Variants in DEFB109B observed in about 807,000 individuals in gnomAD.
DEFB109B encodes the protein defensin beta 109B.
At position 7,313,683 on chromosome 8, in the gene DEFB109B, G is replaced by C. The variant is rs188171765; in HGVS notation, n.58+780G>C. On this transcript the variant is annotated intron_variant and non_coding_transcript_variant, in intron 1 of 1. Transcript: ENST00000382656. The stretch of plus-strand genomic sequence containing the variant: ...ATTTACTGGGCTAAGCATGCATTTT[G>C]GGGGCTTTTGGAAAAAAAAAACAGC... Among the ~76,000 whole-genome samples, 24 of 141,430 alleles carry C rather than the reference G, an allele frequency of 1.7e-4. No individual in the cohort carries two copies. In the East Asian group the frequency reaches 4.7e-3, roughly 28 times the overall value. The allele number at this position is 141,430 out of a possible 152,430, so 92.8% of individuals were successfully genotyped here.
At chr8:7,313,060 CA>C (rs1260744114) in intron 1 of DEFB109B, among the ~76,000 whole-genome samples, 157 bp downstream of exon 1, 1 of 126,856 alleles carries the variant, frequency 7.9e-6, no homozygotes, top group Non-Finnish European at 1.5e-5. Context: ...ACTCATTTAG[CA>C]GTATGTCCTC....
At chr8:7,311,985 T>A (rs1160664208), upstream of DEFB109B, among the ~76,000 whole-genome samples, 5 of 128,466 alleles carry the variant, frequency 3.9e-5, no homozygotes, top group Non-Finnish European at 7.5e-5. Context: ...TTTTACTTCA[T>A]AATAAGATAA....
intron 1 of DEFB109B, chr8:7,318,514 C>G (rs543851174): frequency 1.7e-5 from 2 of 117,188 alleles, no homozygotes; most frequent in Non-Finnish European, 3.2e-5. Flanking sequence ...GGAATGGCAT[C>G]AGTAGACAGA....
At position 7,312,913 on chromosome 8, in the gene DEFB109B, T is replaced by G. The variant is rs1485949400; in HGVS notation, n.58+10T>G. The G allele has an allele frequency of 7.4e-6, 1 of 134,906 alleles. No individual in the cohort carries two copies. The highest frequency in any genetic ancestry group is 1.5e-5 in the Non-Finnish European group (1 of 67,418). 8.4% of individuals were successfully genotyped at this position (134,906 alleles called of 1,614,324 possible). On this transcript the variant is annotated intron_variant and non_coding_transcript_variant, in intron 1 of 1. Transcript: ENST00000382656. ...ATTCTCTTATCCCCAGGTAAGTTGG[T>G]AGCTCATTACTATAAGGTTCTGCAG... is the stretch of plus-strand genomic sequence containing the variant.
chr8:7,315,323 A>G (rs1802835734), intron 1 of DEFB109B, among the ~76,000 whole-genome samples: 1 of 134,786 alleles, frequency 7.4e-6, no homozygotes, highest in African/African-American at 3.8e-5. Context: ...AACACGGTGA[A>G]ACCCTTTCTC....
chr8:7,312,354 A>T (rs1304748344), upstream of DEFB109B, among the ~76,000 whole-genome samples: 4 of 138,378 alleles, frequency 2.9e-5, 1 homozygote, highest in Admixed American at 2.0e-4. Context: ...CAACAACAAC[A>T]ACCACAACAA....
At chr8:7,319,243 A>T (rs1585321975) in intron 1 of DEFB109B, 1 of 135,680 alleles carries the variant, frequency 7.4e-6, no homozygotes, top group African/African-American at 3.5e-5. Flanking sequence ...AACAAAAAAA[A>T]AAAAAAAGAG....
rs1037963774 is a variant in DEFB109B at position 7,315,638 on chromosome 8, G to A, written n.58+2735G>A. Among the ~76,000 whole-genome samples, 14 of 131,260 alleles carry A rather than the reference G, an allele frequency of 1.1e-4. 2 individuals are homozygous for A. The highest frequency in any genetic ancestry group is 5.4e-4 in the African/African-American group (14 of 25,978). 86.1% of individuals were successfully genotyped at this position (131,260 alleles called of 152,430 possible). On this transcript the variant is annotated intron_variant and non_coding_transcript_variant, in intron 1 of 1. Coordinates refer to ENST00000382656, the Ensembl canonical transcript of DEFB109B. ...CTAAACTATCACAAGCCCACACTCA[G>A]CCTTTCAACATTTGCTTGAGGTTCA...
chr8:7,315,475 G>T (rs1184927131), intron 1 of DEFB109B, among the ~76,000 whole-genome samples: 36 of 133,256 alleles, frequency 2.7e-4, no homozygotes, highest in African/African-American at 1.2e-3. Flanking sequence ...CTCTAGCCTG[G>T]GCGACAGAGT....
At chr8:7,312,479 T>G (rs1387041241), upstream of DEFB109B, among the ~76,000 whole-genome samples, 31 of 143,604 alleles carry the variant, frequency 2.2e-4, no homozygotes, top group Admixed American at 7.4e-4. Context: ...ATTATGTACT[T>G]TTTGTGTATA....
exon 2 of DEFB109B, chr8:7,319,800 G>A (rs946760790): frequency 7.5e-6 from 1 of 133,358 alleles, no homozygotes; most frequent in Non-Finnish European, 1.6e-5. Context: ...TTTGGTGTTT[G>A]CAGAACAGAT....
At chr8:7,315,941 T>TC (rs1299313445) in intron 1 of DEFB109B, among the ~76,000 whole-genome samples, 7 of 48,702 alleles carry the variant, frequency 1.4e-4, no homozygotes, top group Non-Finnish European at 2.3e-4. Context: ...CTTTCCAGAA[T>TC]CCCCCCATGT....
chr8:7,319,326 G>A (rs1192357903), intron 1 of DEFB109B: 1 of 144,732 alleles, frequency 6.9e-6, no homozygotes, highest in Non-Finnish European at 1.5e-5. Flanking sequence ...CAGCATACCT[G>A]AGATGCCAGA....
chr8:7,309,586 C>CT (rs1438906642), upstream of DEFB109B, among the ~76,000 whole-genome samples: 6 of 147,778 alleles, frequency 4.1e-5, no homozygotes, highest in African/African-American at 1.6e-4. Context: ...TATGACCCTG[C>CT]AACAGAGCAT....
At position 7,319,729 on chromosome 8, in the gene DEFB109B, G is replaced by C. The variant is rs1399990198; in HGVS notation, n.59-17G>C. The C allele has an allele frequency of 1.4e-5, 2 of 147,930 alleles. No homozygotes were observed. The highest frequency in any genetic ancestry group is 2.9e-5 in the Non-Finnish European group (2 of 68,002). The allele number at this position is 147,930 out of a possible 1,614,324, so 9.2% of individuals were successfully genotyped here. On this transcript the variant is annotated splice_polypyrimidine_tract_variant and intron_variant and non_coding_transcript_variant, in intron 1 of 1. Transcript: ENST00000382656. ...CATTTGTGGACTAACTATCTCACTG[G>C]ATCTTCTTTCCTTCAGTAAGAGGTG...
At position 7,315,876 on chromosome 8, in the gene DEFB109B, G is replaced by A. The variant is rs533361000; in HGVS notation, n.58+2973G>A. 4.5e-5 allele frequency among the ~76,000 whole-genome samples: 6 copies of A among 133,678 alleles called. No individual in the cohort carries two copies. In the East Asian group the frequency reaches 1.0e-3, roughly 23 times the overall value. The allele number at this position is 133,678 out of a possible 152,430, so 87.7% of individuals were successfully genotyped here. A position where few individuals can be genotyped will look rare whatever the true frequency, so the allele number is the denominator to read the frequency against. On this transcript the variant is annotated intron_variant and non_coding_transcript_variant, in intron 1 of 1. Coordinates refer to ENST00000382656, the Ensembl canonical transcript of DEFB109B. ...TTATCCAGCTTATTCTTTTGTCAGGGCAAGAGCATTTTTCTATAACTTTCT... is the reference window on the plus strand; with the variant it reads ...TTATCCAGCTTATTCTTTTGTCAGGACAAGAGCATTTTTCTATAACTTTCT...
chr8:7,310,610 T>C (rs1802568549), upstream of DEFB109B, among the ~76,000 whole-genome samples: 1 of 143,736 alleles, frequency 7.0e-6, no homozygotes, highest in East Asian at 1.9e-4. Flanking sequence ...TGTGTGCATG[T>C]GCGTGCCTTT....
Position 7,316,818 on chromosome 8 carries a change from T to G in DEFB109B, n.59-2928T>G, listed in dbSNP as rs1419219541. On this transcript the variant is annotated intron_variant and non_coding_transcript_variant, in intron 1 of 1. Transcript: ENST00000382656. ...ATATATATATATATATATACATTTT[T>G]TTTTAGTAGAGACAAGTTTTCACCA... Among the ~76,000 whole-genome samples the G allele has an allele frequency of 1.1e-4, 14 of 132,098 alleles. 1 individual carries two copies. Among genetic ancestry groups the G allele is most frequent in the African/African-American group, 2.8e-4 (7 of 25,258 alleles). The allele number at this position is 132,098 out of a possible 152,430, so 86.7% of individuals were successfully genotyped here.
chr8:7,315,511 A>AAAG (rs1554508737), intron 1 of DEFB109B, among the ~76,000 whole-genome samples: 31 of 134,002 alleles, frequency 2.3e-4, no homozygotes, highest in Middle Eastern at 7.5e-3. Context: ...AAAAAAAAAA[A>AAAG]AAGAAGAAGA....
Sources: allele counts gnomAD v4.1 joint callset (sites outside exome capture counted in the v4.1 genomes callset), GRCh38; gene constraint gnomAD v4.1.1; transcripts MANE v1.5; gene names NCBI Gene and HGNC (gene_info 2026-07-23, HGNC 2026-07-21).